Variants in HMCN1 observed in about 807,000 individuals in gnomAD.
HMCN1 encodes the protein hemicentin-1.
In HMCN1, 321 loss-of-function variants were observed where a neutral mutation model predicts 625.9. That is an observed-to-expected ratio of 0.51 (90% CI 0.47 to 0.56). The LOEUF is 0.56. Ranked by LOEUF, HMCN1 falls within the 20% of genes least tolerant of loss-of-function variation. The pLI is 0.00. For synonymous variants in HMCN1, 2,425 were observed against 2,417.6 expected (o/e 1.00, Z -0.09); for missense variants, 6,588 against 6,887.3 (o/e 0.96, Z 1.54).
chr1:185,870,485 A>G (rs1663542996), intron 4 of HMCN1, among the ~76,000 whole-genome samples: 1 of 152,178 alleles, frequency 6.6e-6, no homozygotes, highest in South Asian at 2.1e-4. Flanking sequence ...TTCCCTCGAA[A>G]AAAACTTACC....
intron 1 of HMCN1, among the ~76,000 whole-genome samples, chr1:185,753,227 T>A (rs1001429271): frequency 6.6e-6 from 1 of 152,126 alleles, no homozygotes; most frequent in Admixed American, 6.5e-5. Context: ...TCATCATATT[T>A]GACGGTTAAA....
rs114294703 is a variant in HMCN1 at position 185,894,325 on chromosome 1, A to G, written c.622-15012A>G. 9.2e-3 allele frequency among the ~76,000 whole-genome samples: 1,403 copies of G among 152,262 alleles called. 30 individuals carry two copies. Among genetic ancestry groups the G allele is most frequent in the African/African-American group, 0.033 (1,354 of 41,544 alleles). On this transcript the variant is annotated intron_variant, in intron 4 of 106. Coordinates refer to ENST00000271588, the MANE Select transcript of HMCN1 (RefSeq NM_031935.3). ...GCCACATCATTGCATATAGTTGTAG[A>G]TGGTTCATTCTCATTGATGTATAGT...
chr1:185,894,485 G>A (rs943050487), intron 4 of HMCN1, among the ~76,000 whole-genome samples: 8 of 152,160 alleles, frequency 5.3e-5, no homozygotes, highest in Non-Finnish European at 7.4e-5. Context: ...TTATACAAAT[G>A]TACTAATTTT....
Position 186,137,972 on chromosome 1 carries a change from G to T in HMCN1, c.13924G>T (p.Val4642Phe), listed in dbSNP as rs777582910. The stretch of plus-strand genomic sequence containing the variant: ...TATGTGCAACATTAGGCCTTGCCCA[G>T]GTGAGAAACCACCAATAATGCTAAG... ...IIMCNIRPCP[V>F]HGAWSAWQPW... Residue 4642 changes from valine to phenylalanine, a missense_variant and splice_region_variant, in exon 89 of 107, where the codon GTT becomes TTT. Physicochemically the swap from Val to Phe is conservative, Grantham distance 50. Coordinates refer to ENST00000271588, the MANE Select transcript of HMCN1 (RefSeq NM_031935.3). The T allele has an allele frequency of 6.2e-7, 1 of 1,613,856 alleles. No individual in the cohort carries two copies. Among genetic ancestry groups the T allele is most frequent in the Non-Finnish European group, 8.5e-7 (1 of 1,179,888 alleles).
At chr1:185,799,215 G>A (rs1658616559) in intron 1 of HMCN1, among the ~76,000 whole-genome samples, 1 of 152,176 alleles carries the variant, frequency 6.6e-6, no homozygotes, top group Non-Finnish European at 1.5e-5. Context: ...ATGTGTGCAG[G>A]CTCATAGTCT....
At chr1:186,139,057 T>G (rs1649796362) in intron 89 of HMCN1, among the ~76,000 whole-genome samples, 1 of 152,136 alleles carries the variant, frequency 6.6e-6, no homozygotes, top group Non-Finnish European at 1.5e-5. Flanking sequence ...TGGAGAGATA[T>G]CTTAGCTGGA....
chr1:185,846,037 G>A lies in HMCN1; in HGVS notation c.280G>A (p.Val94Met). The change falls in exon 2 of 107, where the codon GTG becomes ATG. Residue 94 changes from valine to methionine, a missense_variant. Val to Met is a conservative substitution (Grantham distance 21). Coordinates refer to ENST00000271588, the MANE Select transcript of HMCN1 (RefSeq NM_031935.3). ...VPFHDPEIGP[V>M]TITTDPKKFQ... The stretch of plus-strand genomic sequence containing the variant: ...TTTTATCTTCACAGAAATTGGCCCA[G>A]TGACAATTACCACAGATCCCAAGAA... The A allele has an allele frequency of 6.2e-7, 1 of 1,609,098 alleles. No individual in the cohort carries two copies. The highest frequency in any genetic ancestry group is 1.3e-5 in the African/African-American group (1 of 74,936).
chr1:185,932,780 T>A (rs1266629514), intron 10 of HMCN1, among the ~76,000 whole-genome samples: 1 of 152,010 alleles, frequency 6.6e-6, no homozygotes, highest in Non-Finnish European at 1.5e-5. Context: ...CAAACCACCA[T>A]GGCACACGTA....
intron 1 of HMCN1, among the ~76,000 whole-genome samples, chr1:185,743,336 T>C (rs1246735797): frequency 6.6e-6 from 1 of 152,252 alleles, no homozygotes; most frequent in African/African-American, 2.4e-5. Context: ...AATTTGCTAA[T>C]TGTGCCTTTT....
At chr1:186,175,473 T>C (rs537874708) in intron 103 of HMCN1, among the ~76,000 whole-genome samples, 4 of 152,216 alleles carry the variant, frequency 2.6e-5, no homozygotes, top group Non-Finnish European at 5.9e-5. Context: ...ATGTACCAAA[T>C]GTTCAAACTA....
chr1:186,123,755 T>C (rs1181990184), intron 81 of HMCN1, among the ~76,000 whole-genome samples: 1 of 152,176 alleles, frequency 6.6e-6, no homozygotes, highest in Non-Finnish European at 1.5e-5. Flanking sequence ...TTTTATTATA[T>C]ATTTTGACTA....
chr1:186,059,968 T>C (rs1657579915), intron 46 of HMCN1, among the ~76,000 whole-genome samples: 1 of 152,094 alleles, frequency 6.6e-6, no homozygotes, highest in African/African-American at 2.4e-5. Flanking sequence ...TCAACTGGAA[T>C]CATATTATGA....
rs1042949143 is a variant in HMCN1 at position 186,055,516 on chromosome 1, A to T, written c.6986A>T (p.Asp2329Val). 9.3e-6 allele frequency: 15 copies of T among 1,612,968 alleles called. No individual in the cohort carries two copies. In the East Asian group the frequency reaches 3.3e-4, roughly 36 times the overall value. The stretch of plus-strand genomic sequence containing the variant: ...CCACCAACAGTGACCTGGATGAAAG[A>T]TGGCCACCCCTTGATCAAGGCAAAG... ...IPPPTVTWMK[D>V]GHPLIKAKGV... Residue 2329 changes from aspartate (D) to valine (V), a missense_variant, in exon 45 of 107, where the codon GAT (aspartate) becomes GTT (valine). Around this residue, in one of 3 missense-constraint regions of HMCN1, gnomAD observed 4,628 missense variants for 4,853.1 expected, o/e 0.95. Coordinates refer to ENST00000271588, the MANE Select transcript of HMCN1 (RefSeq NM_031935.3).
chr1:186,094,445 C>T (rs962675632), intron 67 of HMCN1, 72 bp downstream of exon 67: 11 of 1,072,706 alleles, frequency 1.0e-5, no homozygotes, highest in Middle Eastern at 2.0e-4. Context: ...CTTTAGAAAC[C>T]GACTTCCTCA....
chr1:185,785,636 A>G lies in HMCN1; in HGVS notation c.268+50589A>G, dbSNP rs144308743. ...TCTCAAAGCAGACATATGTTTTGAA[A>G]TCAAATTTGGCTTCGTTCTGCCATC... On this transcript the variant is annotated intron_variant, in intron 1 of 106. Transcript: ENST00000271588. 2.1e-3 allele frequency among the ~76,000 whole-genome samples: 320 copies of G among 152,318 alleles called. 1 individual carries two copies. Among genetic ancestry groups the G allele is most frequent in the African/African-American group, 7.5e-3 (310 of 41,568 alleles).
chr1:186,037,030 TTTCTTTCC>T lies in HMCN1; in HGVS notation c.5750-895_5750-888del, dbSNP rs1655875166. On this transcript the variant is annotated intron_variant, in intron 36 of 106. Transcript: ENST00000271588. ...ACTTATTTCTACTATTTTTTCTTGT[TTTCTTTCC>T]TTCTTTCCCCCTTTCCTGTTTTTGG... is the stretch of plus-strand genomic sequence containing the variant. Among the ~76,000 whole-genome samples the T allele has an allele frequency of 3.3e-5, 5 of 152,324 alleles. No homozygotes were observed. In the South Asian group the frequency reaches 1.0e-3, roughly 32 times the overall value.
chr1:185,970,273 A>G lies in HMCN1; in HGVS notation c.2213-62A>G, dbSNP rs150444970. On this transcript the variant is annotated intron_variant, in intron 14 of 106. Coordinates refer to ENST00000271588, the MANE Select transcript of HMCN1 (RefSeq NM_031935.3). ...ATTTGGAAGTTTTGAAATTAAACCA[A>G]TAGCTGCATAAACAATTTTAATACT... 286 of 1,467,058 alleles carry G rather than the reference A, an allele frequency of 1.9e-4. No homozygotes were observed. In the African/African-American group the frequency reaches 3.4e-3, roughly 17 times the overall value. 90.9% of individuals were successfully genotyped at this position (1,467,058 alleles called of 1,614,324 possible).
chr1:186,001,387 A>T lies in HMCN1; in HGVS notation c.4159A>T (p.Thr1387Ser), dbSNP rs141437512. ...LTNLFCEVEG[T>S]PSPIIMWYKD... ...CAATCTCTTCTGTGAAGTGGAAGGC[A>T]CTCCATCTCCCATCATTATGTGGTA... Residue 1387 changes from threonine (T) to serine (S), a missense_variant, in exon 27 of 107, where the codon ACT (threonine) becomes TCT (serine). Thr to Ser is a moderately conservative substitution (Grantham distance 58). Around this residue, in one of 3 missense-constraint regions of HMCN1, gnomAD observed 4,628 missense variants for 4,853.1 expected, o/e 0.95. Coordinates refer to ENST00000271588, the MANE Select transcript of HMCN1 (RefSeq NM_031935.3). 6.2e-7 allele frequency: 1 copy of T among 1,612,246 alleles called. No homozygotes were observed. The highest frequency in any genetic ancestry group is 8.5e-7 in the Non-Finnish European group (1 of 1,178,644).
chr1:185,953,158 C>A (rs957458363), intron 11 of HMCN1, among the ~76,000 whole-genome samples: 2 of 151,186 alleles, frequency 1.3e-5, no homozygotes, highest in Non-Finnish European at 2.9e-5. Context: ...CTGAGGGGTA[C>A]TTGCCCCTCC....
Sources: allele counts gnomAD v4.1 joint callset (sites outside exome capture counted in the v4.1 genomes callset), GRCh38; gene constraint gnomAD v4.1.1; regional missense constraint gnomAD v4.1.1; transcripts MANE v1.5; gene names NCBI Gene and HGNC (gene_info 2026-07-23, HGNC 2026-07-21).